ATAD2B: variants seen among roughly 807,000 people sequenced by gnomAD.
The protein encoded by ATAD2B is ATPase family AAA domain-containing protein 2B.
ATAD2B carries 40 observed loss-of-function variants against 167.6 expected under a neutral mutation model. The ratio of observed to expected loss-of-function variants is 0.24; its 90% confidence interval spans 0.19 to 0.31. The LOEUF is 0.31. ATAD2B is among the 10% of genes least tolerant of loss of function. The pLI is 1.00. For missense variants in ATAD2B, 1,242 were observed against 1,757.2 expected (o/e 0.71, Z 5.24); for synonymous variants, 579 against 596.5 (o/e 0.97, Z 0.43).
rs1218313220 is a variant in ATAD2B, at chr2:23,908,808, T to TA, written c.217-12839dup. Reference sequence around the variant, plus strand: ...TACACCATGGAATACTATGCAGCCATAAAAAATGATGAGTTCATGTCCTTT... The same window carrying TA: ...TACACCATGGAATACTATGCAGCCATAAAAAAATGATGAGTTCATGTCCTTT... On this transcript the variant is annotated intron_variant, in intron 1 of 27. Transcript: ENST00000238789. Among the ~76,000 whole-genome samples the TA allele has an allele frequency of 2.6e-5, 4 of 151,270 alleles. No individual in the cohort carries two copies. In the East Asian group the frequency reaches 7.8e-4, roughly 30 times the overall value.
At chr2:23,745,422 A>AAGGAAGAAAGGGAAGGGAAGGGAAGGG (rs1491261605), downstream of ATAD2B, among the ~76,000 whole-genome samples, 2 of 85,012 alleles carry the variant, frequency 2.4e-5, no homozygotes, top group Admixed American at 1.1e-4. Context: ...GGAAGGAAGG[A>AAGGAAGAAAGGGAAGGGAAGGGAAGGG]AAGGGAAGGG....
At chr2:23,781,333 A>AAAATAAAT (rs57132440) in intron 22 of ATAD2B, among the ~76,000 whole-genome samples, 3,114 of 144,530 alleles carry the variant, frequency 0.022, 51 homozygotes, top group South Asian at 0.041. Context: ...TGACCACAAA[A>AAAATAAAT]AAATAAATAA....
chr2:23,917,353 TAA>T (rs896870228), intron 1 of ATAD2B, among the ~76,000 whole-genome samples: 1 of 152,218 alleles, frequency 6.6e-6, no homozygotes, highest in Non-Finnish European at 1.5e-5. Context: ...CTAACAATGC[TAA>T]AGATGTTTAA....
intron 12 of ATAD2B, 112 bp downstream of exon 12, chr2:23,863,269 A>C (rs1694688763): frequency 9.8e-7 from 1 of 1,022,592 alleles, no homozygotes; most frequent in Non-Finnish European, 1.4e-6. Context: ...AGATCACGCT[A>C]TTGCACTCAC....
chr2:23,814,135 T>G (rs905418802), intron 17 of ATAD2B, among the ~76,000 whole-genome samples: 1 of 152,154 alleles, frequency 6.6e-6, no homozygotes, highest in East Asian at 1.9e-4. Context: ...TAAAAAGAAT[T>G]TGTCATAAAC....
rs189695780 is a variant in ATAD2B, at chr2:23,751,765, C to T, written c.*281G>A. ...GAGTGCACAAAAAGAGGAGCAGAAG[C>T]GAGAGCAGTTTCTGTAGCACCAAAA... On this transcript the variant is annotated 3_prime_UTR_variant, in exon 28 of 28. Coordinates refer to ENST00000238789, the MANE Select transcript of ATAD2B (RefSeq NM_017552.4). 2 of 431,532 alleles carry T rather than the reference C, an allele frequency of 4.6e-6. No homozygotes were observed. The highest frequency in any genetic ancestry group is 8.3e-6 in the Non-Finnish European group (2 of 241,962). The allele number at this position is 431,532 out of a possible 1,614,324, so 26.7% of individuals were successfully genotyped here. A position where few individuals can be genotyped will look rare whatever the true frequency, so the allele number is the denominator to read the frequency against.
At chr2:23,850,423 G>GA (rs1159868307) in intron 13 of ATAD2B, among the ~76,000 whole-genome samples, 1 of 151,860 alleles carries the variant, frequency 6.6e-6, no homozygotes, top group African/African-American at 2.4e-5. Context: ...GCCTATATTA[G>GA]AAAAAAAGAA....
At chr2:23,703,736 G>A in the ATAD2B span, 2 of 1,536,836 alleles carry the variant, frequency 1.3e-6, no homozygotes, top group Admixed American at 2.0e-5. Context: ...GTATGCCCCC[G>A]CTGTCACGCT....
chr2:23,919,305 G>A (rs116062918), intron 1 of ATAD2B, among the ~76,000 whole-genome samples: 5,882 of 152,230 alleles, frequency 0.039, 108 homozygotes, highest in South Asian at 0.046. Flanking sequence ...CCAGCACTTT[G>A]GGAGGCCGGG....
the ATAD2B span, among the ~76,000 whole-genome samples, chr2:23,682,121 C>T: frequency 6.6e-6 from 1 of 152,206 alleles, no homozygotes; most frequent in Non-Finnish European, 1.5e-5. This position sits in a 1 kb window ranked among gnomAD's most constrained non-coding sequence, Gnocchi z 4.1. Context: ...TCCCCCTCCC[C>T]ACTTCCTTCC....
At chr2:23,874,591 T>G (rs756259710) in intron 8 of ATAD2B, among the ~76,000 whole-genome samples, 19 of 151,754 alleles carry the variant, frequency 1.3e-4, no homozygotes, top group Non-Finnish European at 2.2e-4. Flanking sequence ...TAGTCCCAGC[T>G]ACTCGGGAGG....
chr2:23,687,524 C>T, the ATAD2B span, among the ~76,000 whole-genome samples: 2 of 152,210 alleles, frequency 1.3e-5, no homozygotes, highest in Non-Finnish European at 2.9e-5. Context: ...GGAGCCCCTC[C>T]TGGGGCCGGG....
intron 19 of ATAD2B, among the ~76,000 whole-genome samples, chr2:23,792,962 C>CAA (rs36015161): frequency 0.45 from 19,184 of 42,250 alleles, 6,566 homozygotes; most frequent in East Asian, 0.68. Flanking sequence ...GACTCTGTCT[C>CAA]AAAAAAAAAA....
intron 24 of ATAD2B, among the ~76,000 whole-genome samples, chr2:23,760,676 A>T (rs970570274): frequency 4.0e-5 from 6 of 148,562 alleles, no homozygotes; most frequent in Admixed American, 6.8e-5. Context: ...GAAAAAAAAA[A>T]AAAATAAATA....
the ATAD2B span, among the ~76,000 whole-genome samples, chr2:23,680,446 A>G: frequency 6.6e-6 from 1 of 152,194 alleles, no homozygotes; most frequent in Non-Finnish European, 1.5e-5. This position sits in a 1 kb window ranked among gnomAD's most constrained non-coding sequence, Gnocchi z 4.1. Context: ...CAGGGTGTGC[A>G]GTCCCACAGA....
intron 18 of ATAD2B, among the ~76,000 whole-genome samples, chr2:23,803,092 A>G (rs1341797156): frequency 1.3e-5 from 2 of 152,146 alleles, no homozygotes; most frequent in Non-Finnish European, 2.9e-5. Context: ...CAAAAATTAT[A>G]TTTGAGGATG....
At chr2:23,859,510 G>A (rs909028379) in intron 12 of ATAD2B, among the ~76,000 whole-genome samples, 5 of 148,754 alleles carry the variant, frequency 3.4e-5, no homozygotes, top group Non-Finnish European at 6.1e-5. Context: ...GTTTCACCAC[G>A]TTGCCCAGGC....
chr2:23,798,010 G>C (rs779043278), intron 19 of ATAD2B, 128 bp downstream of exon 19: 15 of 571,432 alleles, frequency 2.6e-5, no homozygotes, highest in Non-Finnish European at 3.8e-5. Flanking sequence ...ACAGCTAATA[G>C]GCAGTTACAC....
chr2:23,841,794 G>A (rs1218361364), intron 13 of ATAD2B, among the ~76,000 whole-genome samples: 1 of 152,184 alleles, frequency 6.6e-6, no homozygotes, highest in Admixed American at 6.5e-5. Flanking sequence ...GGAATTACAA[G>A]CGTGAGCCAC....
Sources: allele counts gnomAD v4.1 joint callset (sites outside exome capture counted in the v4.1 genomes callset), GRCh38; gene constraint gnomAD v4.1.1; non-coding constraint Gnocchi (gnomAD v3.1); transcripts MANE v1.5; gene names NCBI Gene and HGNC (gene_info 2026-07-23, HGNC 2026-07-21).